Variants in GPHN observed in about 807,000 individuals in gnomAD.
GPHN encodes gephyrin.
Under a neutral mutation model 95.5 loss-of-function variants are expected in GPHN, and 17 were observed. The ratio of observed to expected loss-of-function variants is 0.18; its 90% CI spans 0.12 to 0.27. The LOEUF is 0.27. Ranked by LOEUF, GPHN falls within the 10% of genes least tolerant of loss-of-function variation. GPHN has a pLI of 1.00. For synonymous variants in GPHN, 320 were observed against 322.5 expected (o/e 0.99, Z 0.08); for missense variants, 660 against 978.1 (o/e 0.67, Z 4.34).
At chr14:67,438,122 G>A in the GPHN span, among the ~76,000 whole-genome samples, 3 of 152,106 alleles carry the variant, frequency 2.0e-5, no homozygotes, top group Non-Finnish European at 4.4e-5. Context: ...GGTCCTTCAA[G>A]CCATGTTGGC....
chr14:67,532,567 TCCTCCTGGGC>T, the GPHN span, among the ~76,000 whole-genome samples: 1 of 152,010 alleles, frequency 6.6e-6, no homozygotes, highest in Non-Finnish European at 1.5e-5. Flanking sequence ...GCAGCCAGGG[TCCTCCTGGGC>T]CCTCCTTTAA....
chr14:67,437,786 C>T, the GPHN span, among the ~76,000 whole-genome samples: 8 of 152,020 alleles, frequency 5.3e-5, no homozygotes, highest in African/African-American at 7.2e-5. Flanking sequence ...AACCCAAAGA[C>T]GGGTGGTACC....
At chr14:67,683,156 T>G in the GPHN span, among the ~76,000 whole-genome samples, 3 of 152,234 alleles carry the variant, frequency 2.0e-5, no homozygotes, top group Non-Finnish European at 4.4e-5. Context: ...CGGCTGCTGT[T>G]GGATCTTCAA....
At chr14:67,715,280 C>T in the GPHN span, 4 of 151,966 alleles carry the variant, frequency 2.6e-5, no homozygotes, top group African/African-American at 9.7e-5. Flanking sequence ...TCCAGATCTA[C>T]TTCTGATGAT....
intron 2 of GPHN, among the ~76,000 whole-genome samples, chr14:66,773,808 G>A (rs1428607023): frequency 2.0e-5 from 3 of 152,078 alleles, no homozygotes; most frequent in African/African-American, 7.2e-5. Context: ...CTGGCCTCAA[G>A]AAATCCTCTC....
the GPHN span, chr14:67,592,354 T>C: frequency 2.2e-6 from 1 of 447,644 alleles, no homozygotes; most frequent in Admixed American, 3.5e-5. Context: ...GCAGGAGGAT[T>C]TCTTGAGCCT....
chr14:67,501,044 T>TTAATAATAATAA, the GPHN span, among the ~76,000 whole-genome samples: 79 of 137,370 alleles, frequency 5.8e-4, no homozygotes, highest in Admixed American at 1.7e-3. Context: ...TACTTGGGGG[T>TTAATAATAATAA]TAATAATAAT....
At chr14:66,886,307 G>C (rs2064185467) in intron 5 of GPHN, among the ~76,000 whole-genome samples, 1 of 152,004 alleles carries the variant, frequency 6.6e-6, no homozygotes, top group Non-Finnish European at 1.5e-5. Flanking sequence ...ACAGCAACAG[G>C]CCACCCTGAG....
chr14:67,438,752 T>C, the GPHN span, among the ~76,000 whole-genome samples: 2 of 150,680 alleles, frequency 1.3e-5, no homozygotes, highest in African/African-American at 4.9e-5. Flanking sequence ...TCTCAGCTAC[T>C]CGGGAGGCTG....
At chr14:66,888,336 A>G (rs2064305316) in intron 5 of GPHN, among the ~76,000 whole-genome samples, 1 of 152,200 alleles carries the variant, frequency 6.6e-6, no homozygotes, top group Non-Finnish European at 1.5e-5. Flanking sequence ...CCCTATCTAT[A>G]GAGGAAGAAA....
chr14:66,792,651 A>C (rs987561238), intron 3 of GPHN, among the ~76,000 whole-genome samples: 2 of 152,258 alleles, frequency 1.3e-5, no homozygotes, highest in African/African-American at 4.8e-5. Flanking sequence ...TAGTGAGTCA[A>C]ATGCATACAC....
At chr14:67,586,436 C>T in the GPHN span, 1 of 1,311,248 alleles carries the variant, frequency 7.6e-7, no homozygotes, top group Non-Finnish European at 1.0e-6. Context: ...GTCCTCAAGG[C>T]AGGGCAGATT....
chr14:66,574,131 G>A lies in GPHN; in HGVS notation c.64+65540G>A, dbSNP rs187795023. ...CTTTTTGATTTATTTTTCTGTAGTAGTATGCTTTGGCTCCTTTCTCTTTAT... is the reference window on the plus strand; with the variant it reads ...CTTTTTGATTTATTTTTCTGTAGTAATATGCTTTGGCTCCTTTCTCTTTAT... On this transcript the variant is annotated intron_variant, in intron 1 of 22. Coordinates refer to ENST00000478722, the MANE Select transcript of GPHN (RefSeq NM_020806.5). 2.6e-5 allele frequency among the ~76,000 whole-genome samples: 4 copies of A among 152,170 alleles called. No individual in the cohort carries two copies. In the East Asian group the frequency reaches 7.7e-4, roughly 29 times the overall value.
chr14:67,586,554 C>CA, the GPHN span: 1 of 564,644 alleles, frequency 1.8e-6, no homozygotes, highest in Non-Finnish European at 3.0e-6. Context: ...GGGAAGACCG[C>CA]AAAAAGACCT....
the GPHN span, among the ~76,000 whole-genome samples, chr14:67,284,539 T>C: frequency 1.0e-5 from 1 of 95,484 alleles, no homozygotes; most frequent in African/African-American, 4.0e-5. Context: ...AGATCGAGGC[T>C]GCAGTGCTAA....
chr14:66,769,268 A>T (rs1160576957), intron 2 of GPHN, among the ~76,000 whole-genome samples: 1 of 152,094 alleles, frequency 6.6e-6, no homozygotes, highest in Non-Finnish European at 1.5e-5. Context: ...ATATAGTTTT[A>T]AAAAGTATTT....
chr14:67,645,846 T>A, the GPHN span: 3 of 1,603,944 alleles, frequency 1.9e-6, no homozygotes, highest in East Asian at 6.7e-5. Flanking sequence ...GCTTGCAGGG[T>A]TTTGCTGGAG....
intron 3 of GPHN, among the ~76,000 whole-genome samples, chr14:66,801,580 ACTCTCTCTCTCTCTCCCT>A (rs2060350186): frequency 8.7e-5 from 3 of 34,558 alleles, no homozygotes; most frequent in Non-Finnish European, 1.9e-4. Flanking sequence ...CCCTCTCCCC[ACTCTCTCTCTCTCTCCCT>A]CTCTCTCTCT....
At chr14:66,985,598 T>A in intron 9 of GPHN, 1 of 806,944 alleles carries the variant, frequency 1.2e-6, no homozygotes, top group Non-Finnish European at 2.0e-6. Flanking sequence ...TGTTTTTGCA[T>A]GTATTACTTA....
Sources: gnomAD v4.1 joint callset for allele counts (sites outside exome capture counted in the v4.1 genomes callset) on GRCh38, gnomAD v4.1.1 for gene constraint, MANE v1.5 for transcripts, NCBI Gene and HGNC (gene_info 2026-07-23, HGNC 2026-07-21) for gene names.